The following HLA-DRA variants were observed in gnomAD, a reference collection of about 807,000 sequenced individuals.
The protein encoded by HLA-DRA is HLA class II histocompatibility antigen, DR alpha chain.
Under a neutral mutation model 22.1 loss-of-function variants are expected in HLA-DRA, and 8 were observed. The observed-to-expected ratio is 0.36, with a 90% CI of 0.21 to 0.65. HLA-DRA has a LOEUF of 0.65. Ranked by LOEUF, HLA-DRA falls within the 30% of genes least tolerant of loss-of-function variation. HLA-DRA has a pLI of 0.63. For missense variants in HLA-DRA, 248 were observed against 321.3 expected (o/e 0.77, Z 1.74); for synonymous variants, 101 against 117.1 (o/e 0.86, Z 0.89).
At chr6:32,443,163 A>ACG in intron 2 of HLA-DRA, 22 bp from the exon 3 acceptor site, 2 of 1,602,800 alleles carry the variant, frequency 1.2e-6, no homozygotes, top group South Asian at 1.1e-5. Context: ...GATTTCTGTC[A>ACG]TGTCTGTCAT....
chr6:32,443,786 C>A lies in HLA-DRA; in HGVS notation c.641C>A (p.Thr214Asn). ...GATGCTCCAAGCCCTCTCCCAGAGACTACAGAGAACGTGGTGTGTGCCCTG... is the reference window on the plus strand; with the variant it reads ...GATGCTCCAAGCCCTCTCCCAGAGAATACAGAGAACGTGGTGTGTGCCCTG... ...EFDAPSPLPE[T>N]TENVVCALGL... The change falls in exon 4 of 5, where the codon ACT (threonine) becomes AAT (asparagine). Residue 214 changes from threonine to asparagine, a missense_variant. Coordinates refer to ENST00000395388, the MANE Select transcript of HLA-DRA (RefSeq NM_019111.5). 6.2e-7 allele frequency: 1 copy of A among 1,608,944 alleles called. No homozygotes were observed. The highest frequency in any genetic ancestry group is 1.7e-5 in the Admixed American group (1 of 59,338).
intron 2 of HLA-DRA, 117 bp from the exon 3 acceptor site, chr6:32,443,068 A>G: frequency 1.1e-6 from 1 of 914,412 alleles, no homozygotes. Context: ...AATTTCAACT[A>G]CTTTTTCAGC....
At chr6:32,442,276 C>G (rs1762665939) in intron 1 of HLA-DRA, among the ~76,000 whole-genome samples, 172 bp from the exon 2 acceptor site, 1 of 152,174 alleles carries the variant, frequency 6.6e-6, no homozygotes, top group South Asian at 2.1e-4. Context: ...TGTTCAGCAG[C>G]ATGCCCTTCA....
At chr6:32,442,954 G>A (rs772589422) in intron 2 of HLA-DRA, among the ~76,000 whole-genome samples, 1 of 152,174 alleles carries the variant, frequency 6.6e-6, no homozygotes, top group African/African-American at 2.4e-5. Context: ...AGCCAGAAGG[G>A]AAGTCCTTGG....
In HLA-DRA at chr6:32,444,112, T is replaced by C. The variant is rs556898835; in HGVS notation, c.*11+191T>C. Among the ~76,000 whole-genome samples, 107 of 152,360 alleles carry C rather than the reference T, an allele frequency of 7.0e-4. 1 individual carries two copies. The highest frequency in any genetic ancestry group is 2.5e-3 in the African/African-American group (103 of 41,586). On this transcript the variant is annotated intron_variant, in intron 4 of 4. Coordinates refer to ENST00000395388, the MANE Select transcript of HLA-DRA (RefSeq NM_019111.5). ...AAAGCTTCAGGGTCTGTCATCCCTT[T>C]CTATAGACGGGCACCTTGATCACGG...
At chr6:32,442,820 C>A (rs1056316570) in intron 2 of HLA-DRA, 127 bp downstream of exon 2, 4 of 1,142,786 alleles carry the variant, frequency 3.5e-6, no homozygotes, top group South Asian at 1.5e-5. Flanking sequence ...CATTAACAAG[C>A]CCCAAATTCT....
At position 32,439,939 on chromosome 6, in the gene HLA-DRA, C is replaced by T. The variant is rs201021461; in HGVS notation, c.-12C>T. On this transcript the variant is annotated 5_prime_UTR_variant, in exon 1 of 5. Coordinates refer to ENST00000395388, the MANE Select transcript of HLA-DRA (RefSeq NM_019111.5). ...AGCTCTACTGACTCCCAACAGAGCG[C>T]CCAAGAAGAAAATGGCCATAAGTGG... is the stretch of plus-strand genomic sequence containing the variant. The T allele has an allele frequency of 6.2e-4, 1,002 of 1,613,284 alleles. 3 individuals are homozygous for T. The Middle Eastern group carries it at 6.8e-3, about 11-fold the overall frequency.
Position 32,440,008 on chromosome 6 carries a change from G to C in HLA-DRA, c.58G>C (p.Ala20Pro). The C allele has an allele frequency of 6.2e-7, 1 of 1,614,034 alleles. No homozygotes were observed. The highest frequency in any genetic ancestry group is 8.5e-7 in the Non-Finnish European group (1 of 1,179,938). Reference protein sequence around the residue: ...GFFIIAVLMSAQESWAIKEEH... With the variant: ...GFFIIAVLMSPQESWAIKEEH... ...TTTCATCATAGCTGTGCTGATGAGCGCTCAGGAATCATGGGCTATCAAAGG... is the reference window on the plus strand; with the variant it reads ...TTTCATCATAGCTGTGCTGATGAGCCCTCAGGAATCATGGGCTATCAAAGG... The change falls in exon 1 of 5, where the codon GCT becomes CCT. Residue 20 changes from alanine to proline, a missense_variant. Transcript: ENST00000395388.
chr6:32,443,048 C>G (rs1762716604), intron 2 of HLA-DRA, 137 bp from the exon 3 acceptor site: 2 of 773,446 alleles, frequency 2.6e-6, no homozygotes, highest in East Asian at 5.3e-5. Context: ...ACATAGATTT[C>G]TCAGGGCACA....
At chr6:32,442,726 G>A in intron 2 of HLA-DRA, 33 bp downstream of exon 2, 1 of 1,608,066 alleles carries the variant, frequency 6.2e-7, no homozygotes, top group South Asian at 1.1e-5. Flanking sequence ...CCTGGACATG[G>A]GAATCCATAG....
rs753708036 is a variant in HLA-DRA, at chr6:32,443,408, C to T, written c.552C>T (p.Asp184=). 355 of 1,612,880 alleles carry T rather than the reference C, an allele frequency of 2.2e-4. No individual in the cohort carries two copies. The highest frequency in any genetic ancestry group is 2.7e-4 in the Non-Finnish European group (318 of 1,179,976). ...HYLPFLPSTE[D]VYDCRVEHWG... Reference sequence around the variant, plus strand: ...TCCCCTTCCTGCCCTCAACTGAGGACGTTTACGACTGCAGGGTGGAGCACT... The same window carrying T: ...TCCCCTTCCTGCCCTCAACTGAGGATGTTTACGACTGCAGGGTGGAGCACT... Residue 184 remains aspartate (D), a synonymous_variant, in exon 3 of 5, where the codon GAC becomes GAT. Transcript: ENST00000395388.
Position 32,439,972 on chromosome 6 carries a change from G to A in HLA-DRA, c.22G>A (p.Val8Met). The change falls in exon 1 of 5, where the codon GTG (valine) becomes ATG (methionine). Residue 8 changes from valine to methionine, a missense_variant. Transcript: ENST00000395388. ...GAAAATGGCCATAAGTGGAGTCCCT[G>A]TGCTAGGATTTTTCATCATAGCTGT... MAISGVP[V>M]LGFFIIAVLM... The A allele has an allele frequency of 6.2e-7, 1 of 1,614,092 alleles. No individual in the cohort carries two copies. Among genetic ancestry groups the A allele is most frequent in the Non-Finnish European group, 8.5e-7 (1 of 1,180,020 alleles).
chr6:32,440,104 G>C (rs1487083378), intron 1 of HLA-DRA, 72 bp downstream of exon 1: 1 of 1,251,330 alleles, frequency 8.0e-7, no homozygotes, highest in African/African-American at 1.5e-5. Flanking sequence ...TGGACATTTG[G>C]AAGATAATGT....
chr6:32,442,501 G>A lies in HLA-DRA; in HGVS notation c.136G>A (p.Glu46Lys), dbSNP rs1429185771. 3.1e-6 allele frequency: 5 copies of A among 1,613,026 alleles called. No homozygotes were observed. Among genetic ancestry groups the A allele is most frequent in the Non-Finnish European group, 4.2e-6 (5 of 1,180,020 alleles). ...EFYLNPDQSGEFMFDFDGDEI... is the reference protein window; with the variant it reads ...EFYLNPDQSGKFMFDFDGDEI... ...CTATCTGAATCCTGACCAATCAGGC[G>A]AGTTTATGTTTGACTTTGATGGTGA... The change falls in exon 2 of 5, where the codon GAG becomes AAG. Residue 46 changes from glutamate to lysine, a missense_variant. By Grantham distance (56) the Glu-to-Lys change is moderately conservative. Coordinates refer to ENST00000395388, the MANE Select transcript of HLA-DRA (RefSeq NM_019111.5).
chr6:32,442,905 G>T (rs895139911), intron 2 of HLA-DRA, among the ~76,000 whole-genome samples: 1 of 152,092 alleles, frequency 6.6e-6, no homozygotes, highest in Non-Finnish European at 1.5e-5. Context: ...GTCATCCATG[G>T]TCTCCTACGA....
chr6:32,442,762 T>C, intron 2 of HLA-DRA, 69 bp downstream of exon 2: 2 of 1,568,092 alleles, frequency 1.3e-6, no homozygotes, highest in Non-Finnish European at 1.7e-6. Context: ...TTCAGCTCTT[T>C]GTGTTAGATT....
chr6:32,440,612 G>A (rs1013267369), intron 1 of HLA-DRA, among the ~76,000 whole-genome samples: 1 of 152,184 alleles, frequency 6.6e-6, no homozygotes, highest in Non-Finnish European at 1.5e-5. Flanking sequence ...ATGCTGATAT[G>A]AGTTGCCTCA....
rs770813718 is a variant in HLA-DRA at position 32,440,027 on chromosome 6, T to A, written c.77T>A (p.Ile26Asn). ...VLMSAQESWA[I>N]KEEHVIIQAE... is the part of the protein sequence containing the mutation. ...ATGAGCGCTCAGGAATCATGGGCTA[T>A]CAAAGGTAGGTGCTGAGGGAATGAA... The change falls in exon 1 of 5, where the codon ATC becomes AAC. Residue 26 changes from isoleucine (I) to asparagine (N), a missense_variant. Physicochemically the swap from Ile to Asn is moderately radical, Grantham distance 149. Transcript: ENST00000395388. The A allele has an allele frequency of 3.7e-6, 6 of 1,613,610 alleles. No individual in the cohort carries two copies. The highest frequency in any genetic ancestry group is 1.3e-5 in the African/African-American group (1 of 74,872).
chr6:32,442,348 A>G (rs1762670917), intron 1 of HLA-DRA, 100 bp from the exon 2 acceptor site: 13 of 1,407,900 alleles, frequency 9.2e-6, no homozygotes, highest in African/African-American at 1.4e-5. Flanking sequence ...TCTTGGCCCA[A>G]TCTCTCTCCA....
Sources: allele counts gnomAD v4.1 joint callset (sites outside exome capture counted in the v4.1 genomes callset), GRCh38; gene constraint gnomAD v4.1.1; transcripts MANE v1.5; gene names NCBI Gene and HGNC (gene_info 2026-07-23, HGNC 2026-07-21).